Variants in ERBB4 observed in about 807,000 individuals in gnomAD.
ERBB4 encodes the protein receptor tyrosine-protein kinase erbB-4.
ERBB4 carries 42 observed loss-of-function variants against 158.0 expected under a neutral mutation model. The ratio of observed to expected loss-of-function variants is 0.27; its 90% CI spans 0.21 to 0.34. ERBB4 has a LOEUF of 0.34. ERBB4 is among the 10% of genes least tolerant of loss of function. The pLI is 1.00. For synonymous variants in ERBB4, 583 were observed against 558.7 expected, an observed-to-expected ratio of 1.04 and a Z score of -0.61; for missense variants, 1,333 against 1,624.1, an observed-to-expected ratio of 0.82 and a Z score of 3.08.
chr2:211,746,040 C>T, intron 5 of ERBB4, among the ~76,000 whole-genome samples: 1 of 152,148 alleles, frequency 6.6e-6, no homozygotes. Flanking sequence ...AATGTAACTG[C>T]CCTCTTTAAC....
intron 20 of ERBB4, among the ~76,000 whole-genome samples, chr2:211,507,134 A>T (rs769371623): frequency 1.4e-4 from 22 of 152,162 alleles, no homozygotes; most frequent in Non-Finnish European, 2.6e-4. Context: ...TTCTGGAAAC[A>T]TACAACCTCC....
chr2:211,915,073 A>G (rs1446087339), intron 3 of ERBB4, among the ~76,000 whole-genome samples: 1 of 152,152 alleles, frequency 6.6e-6, no homozygotes, highest in Non-Finnish European at 1.5e-5. Flanking sequence ...GCAAAGTAAT[A>G]TTAGCGCCCT....
At chr2:211,521,899 A>G (rs2066195737) in intron 20 of ERBB4, among the ~76,000 whole-genome samples, 1 of 152,176 alleles carries the variant, frequency 6.6e-6, no homozygotes, top group Non-Finnish European at 1.5e-5. Context: ...CCCACTGTTA[A>G]GATCTACTGC....
intron 23 of ERBB4, among the ~76,000 whole-genome samples, chr2:211,422,518 G>A (rs2063535495): frequency 6.7e-6 from 1 of 149,870 alleles, no homozygotes; most frequent in South Asian, 2.1e-4. Flanking sequence ...CTAATGCAAA[G>A]TGATTGGTAA....
chr2:211,765,535 TG>T (rs1256788294), intron 4 of ERBB4, among the ~76,000 whole-genome samples: 1 of 152,166 alleles, frequency 6.6e-6, no homozygotes, highest in Non-Finnish European at 1.5e-5. Context: ...CTAACAGAAA[TG>T]ACTTACTATT....
intron 1 of ERBB4, among the ~76,000 whole-genome samples, chr2:212,520,132 T>A (rs1317531662): frequency 6.6e-6 from 1 of 151,960 alleles, no homozygotes; most frequent in Non-Finnish European, 1.5e-5. Flanking sequence ...TTAAAATATG[T>A]TGTTAACACT....
intron 2 of ERBB4, among the ~76,000 whole-genome samples, chr2:212,064,975 A>G (rs1442422826): frequency 3.4e-5 from 5 of 148,950 alleles, no homozygotes; most frequent in Non-Finnish European, 7.4e-5. Context: ...CACCACCATA[A>G]CAACATCTTT....
intron 3 of ERBB4, among the ~76,000 whole-genome samples, chr2:211,831,007 A>C (rs2077206581): frequency 6.6e-6 from 1 of 152,112 alleles, no homozygotes; most frequent in South Asian, 2.1e-4. Flanking sequence ...AGGTTAAAAA[A>C]ATAATAAAAA....
At chr2:211,683,355 G>C (rs919477679) in intron 12 of ERBB4, among the ~76,000 whole-genome samples, 1 of 151,990 alleles carries the variant, frequency 6.6e-6, no homozygotes, top group Non-Finnish European at 1.5e-5. Context: ...ACCCATTAGA[G>C]CTCCATTGCT....
chr2:212,510,165 T>C (rs1691431282), intron 1 of ERBB4, among the ~76,000 whole-genome samples: 1 of 146,014 alleles, frequency 6.8e-6, no homozygotes, highest in South Asian at 2.1e-4. Context: ...AATATATATA[T>C]ATATAAAAGC....
At chr2:211,616,568 T>C (rs1358564953) in intron 19 of ERBB4, among the ~76,000 whole-genome samples, 1 of 152,320 alleles carries the variant, frequency 6.6e-6, no homozygotes, top group East Asian at 1.9e-4. Context: ...TATAATGATC[T>C]ACACACATAA....
chr2:211,685,008 A>G (rs1198035786), intron 12 of ERBB4, among the ~76,000 whole-genome samples: 1 of 152,244 alleles, frequency 6.6e-6, no homozygotes, highest in Non-Finnish European at 1.5e-5. Flanking sequence ...ATTACTGTAC[A>G]GCAGGCATAA....
At chr2:212,081,723 T>C (rs1016641683) in intron 2 of ERBB4, among the ~76,000 whole-genome samples, 2 of 152,156 alleles carry the variant, frequency 1.3e-5, no homozygotes, top group African/African-American at 4.8e-5. Context: ...GCACCGACTG[T>C]AGCTGATTCC....
At chr2:212,479,839 C>G (rs1215092668) in intron 1 of ERBB4, among the ~76,000 whole-genome samples, 1 of 152,112 alleles carries the variant, frequency 6.6e-6, no homozygotes, top group Non-Finnish European at 1.5e-5. Flanking sequence ...CAGAGAGGTT[C>G]TGATGAAAGT....
chr2:212,056,517 G>A (rs1319847537), intron 2 of ERBB4, among the ~76,000 whole-genome samples: 2 of 152,170 alleles, frequency 1.3e-5, no homozygotes, highest in Non-Finnish European at 2.9e-5. Context: ...AATGTTAAGG[G>A]CAGCCAGAGA....
At chr2:211,433,666 G>T (rs2063791593) in intron 20 of ERBB4, among the ~76,000 whole-genome samples, 1 of 152,192 alleles carries the variant, frequency 6.6e-6, no homozygotes, top group Non-Finnish European at 1.5e-5. Context: ...ACAGAGAATG[G>T]ATTGGACATC....
intron 1 of ERBB4, among the ~76,000 whole-genome samples, chr2:212,171,201 C>T (rs745822659): frequency 2.6e-5 from 4 of 152,062 alleles, no homozygotes; most frequent in Non-Finnish European, 5.9e-5. Flanking sequence ...TAATGACTGC[C>T]CTGCTGGATT....
At chr2:211,727,043 C>A (rs1467770904) in intron 5 of ERBB4, among the ~76,000 whole-genome samples, 1 of 152,174 alleles carries the variant, frequency 6.6e-6, no homozygotes, top group Non-Finnish European at 1.5e-5. Context: ...TGAAACCTTT[C>A]CAGACACAGC....
chr2:211,428,627 T>C, intron 21 of ERBB4, 144 bp from the exon 22 acceptor site: 1 of 468,004 alleles, frequency 2.1e-6, no homozygotes. Flanking sequence ...TATAAATATA[T>C]GTTAATTTAT....
Sources: allele counts gnomAD v4.1 joint callset (sites outside exome capture counted in the v4.1 genomes callset), GRCh38; gene constraint gnomAD v4.1.1; transcripts MANE v1.5; gene names NCBI Gene and HGNC (gene_info 2026-07-23, HGNC 2026-07-21).